Variants in SRSF10 observed in about 807,000 individuals in gnomAD.
SRSF10 encodes the protein serine and arginine rich splicing factor 10, also known as serine/arginine-rich splicing factor 10.
Under a neutral mutation model 32.6 loss-of-function variants are expected in SRSF10, and 9 were observed. That is an observed-to-expected ratio of 0.28 (90% CI 0.17 to 0.48). SRSF10 has a LOEUF of 0.48. Among genes scored for constraint, SRSF10 ranks in the 20% least tolerant of loss-of-function variants. The pLI is 0.99. For synonymous variants in SRSF10, 105 were observed against 112.4 expected, an observed-to-expected ratio of 0.93 and a Z score of 0.42; for missense variants, 201 against 331.8, an observed-to-expected ratio of 0.61 and a Z score of 3.06.
intron 1 of SRSF10, 64 bp from the exon 2 acceptor site, chr1:23,978,881 A>G (rs1169903186): frequency 1.4e-6 from 2 of 1,389,122 alleles, no homozygotes; most frequent in Non-Finnish European, 2.0e-6. Flanking sequence ...TAGGCAATAT[A>G]TCTTTTTGAT....
At position 23,968,375 on chromosome 1, in the gene SRSF10, T is replaced by C. The variant is rs1486001140; in HGVS notation, c.*2767A>G. On this transcript the variant is annotated 3_prime_UTR_variant, in exon 6 of 6. Coordinates refer to ENST00000492112, the MANE Select transcript of SRSF10 (RefSeq NM_054016.4). ...TCCTCAATCTACTTCTCTCAAATTATAGTCTGTAAAACAAACAAAACCCCC... is the reference window on the plus strand; with the variant it reads ...TCCTCAATCTACTTCTCTCAAATTACAGTCTGTAAAACAAACAAAACCCCC... Among the ~76,000 whole-genome samples, 1 of 152,156 alleles carries C rather than the reference T, an allele frequency of 6.6e-6. No homozygotes were observed. Among genetic ancestry groups the C allele is most frequent in the Non-Finnish European group, 1.5e-5 (1 of 67,998 alleles).
At position 23,975,141 on chromosome 1, in the gene SRSF10, G is replaced by A. The variant is rs1570783125; in HGVS notation, c.171-64C>T. The A allele has an allele frequency of 1.2e-5, 15 of 1,260,250 alleles. No individual in the cohort carries two copies. In the East Asian group the frequency reaches 3.5e-4, roughly 29 times the overall value. 78.1% of individuals were successfully genotyped at this position (1,260,250 alleles called of 1,614,324 possible). A position where few individuals can be genotyped will look rare whatever the true frequency, so the allele number is the denominator to read the frequency against. On this transcript the variant is annotated intron_variant, in intron 2 of 5. Coordinates refer to ENST00000492112, the MANE Select transcript of SRSF10 (RefSeq NM_054016.4). The stretch of plus-strand genomic sequence containing the variant: ...TTGATAATGAATGAAAGTTCAGTTG[G>A]TATGTCTGGAACAATTCACAATCTC...
In SRSF10 at chr1:23,980,297, A is replaced by C; in HGVS notation, c.-42T>G. On this transcript the variant is annotated 5_prime_UTR_variant, in exon 1 of 6. Coordinates refer to ENST00000492112, the MANE Select transcript of SRSF10 (RefSeq NM_054016.4). ...GGCCGGGCGCACTAACGGGCTCAGC[A>C]AACCGTCCGCGGCTCAGGCGGCCGA... is the stretch of plus-strand genomic sequence containing the variant. 1 of 1,416,438 alleles carries C rather than the reference A, an allele frequency of 7.1e-7. No individual in the cohort carries two copies. The highest frequency in any genetic ancestry group is 9.3e-7 in the Non-Finnish European group (1 of 1,077,184). 87.7% of individuals were successfully genotyped at this position (1,416,438 alleles called of 1,614,324 possible).
At chr1:23,977,928 T>A in intron 2 of SRSF10, 1 of 985,368 alleles carries the variant, frequency 1.0e-6, no homozygotes, top group East Asian at 1.1e-4. Context: ...ATGACTCCTT[T>A]AATCTTGGCC....
chr1:23,978,121 T>C, intron 2 of SRSF10: 1 of 985,476 alleles, frequency 1.0e-6, no homozygotes, highest in Non-Finnish European at 1.2e-6. Context: ...CAGCTTTTCT[T>C]TATTTTTTCT....
Position 23,967,632 on chromosome 1 carries a change from G to C in SRSF10, c.*3510C>G, listed in dbSNP as rs1641515949. 7.3e-7 allele frequency: 1 copy of C among 1,369,208 alleles called. No homozygotes were observed. Among genetic ancestry groups the C allele is most frequent in the Non-Finnish European group, 1.0e-6 (1 of 958,268 alleles). 84.8% of individuals were successfully genotyped at this position (1,369,208 alleles called of 1,614,324 possible). A position where few individuals can be genotyped will look rare whatever the true frequency, so the allele number is the denominator to read the frequency against. On this transcript the variant is annotated 3_prime_UTR_variant, in exon 6 of 6. Coordinates refer to ENST00000492112, the MANE Select transcript of SRSF10 (RefSeq NM_054016.4). ...CCTTCCACCCACCCTTTGGTCGCTT[G>C]AACTGCCCTTCTTTGGTTCTTTTTC...
Position 23,968,007 on chromosome 1 carries a change from G to A in SRSF10, c.*3135C>T. On this transcript the variant is annotated 3_prime_UTR_variant, in exon 6 of 6. Transcript: ENST00000492112. ...AGAGATCTTAAGTAAAAGGAGAGGT[G>A]AAGTGTGTCAGCCCTCATTTGAGTG... is the stretch of plus-strand genomic sequence containing the variant. 3 of 1,536,464 alleles carry A rather than the reference G, an allele frequency of 2.0e-6. No homozygotes were observed. Among genetic ancestry groups the A allele is most frequent in the Non-Finnish European group, 1.7e-6 (2 of 1,145,790 alleles).
In SRSF10 at chr1:23,978,477, A is replaced by T. The variant is rs373365069; in HGVS notation, c.170+236T>A. 4.6e-5 allele frequency among the ~76,000 whole-genome samples: 7 copies of T among 152,346 alleles called. No homozygotes were observed. In the East Asian group the frequency reaches 1.2e-3, roughly 25 times the overall value. The stretch of plus-strand genomic sequence containing the variant: ...CAGAGTGCATTCAAATTTAAATCAC[A>T]TATATAATCATCGATATGAGTTTCA... On this transcript the variant is annotated intron_variant, in intron 2 of 5. Coordinates refer to ENST00000492112, the MANE Select transcript of SRSF10 (RefSeq NM_054016.4).
rs1426540346 is a variant in SRSF10 at position 23,966,250 on chromosome 1, T to G, written c.*4892A>C. On this transcript the variant is annotated 3_prime_UTR_variant, in exon 6 of 6. Coordinates refer to ENST00000492112, the MANE Select transcript of SRSF10 (RefSeq NM_054016.4). ...TAATACCTCCATTTCACACCTCCCT[T>G]GAAAATATACCTCTGCTATATTTTC... The G allele has an allele frequency of 2.6e-5, 4 of 152,016 alleles. No individual in the cohort carries two copies. The highest frequency in any genetic ancestry group is 7.2e-5 in the African/African-American group (3 of 41,546). The allele number at this position is 152,016 out of a possible 1,614,324, so 9.4% of individuals were successfully genotyped here.
chr1:23,969,557 A>G lies in SRSF10; in HGVS notation c.*1585T>C. ...GCCTAGATTACTAAAACCGAAATTG[A>G]AAAAAGTAATCCTCTAAAAGGAATC... is the stretch of plus-strand genomic sequence containing the variant. On this transcript the variant is annotated 3_prime_UTR_variant, in exon 6 of 6. Transcript: ENST00000492112. 2 of 985,270 alleles carry G rather than the reference A, an allele frequency of 2.0e-6. No individual in the cohort carries two copies. The highest frequency in any genetic ancestry group is 2.4e-6 in the Non-Finnish European group (2 of 829,754). 61.0% of individuals were successfully genotyped at this position (985,270 alleles called of 1,614,324 possible).
Position 23,980,300 on chromosome 1 carries a change from C to T in SRSF10, c.-45G>A, listed in dbSNP as rs1190791180. The stretch of plus-strand genomic sequence containing the variant: ...CGGGCGCACTAACGGGCTCAGCAAA[C>T]CGTCCGCGGCTCAGGCGGCCGAGCC... On this transcript the variant is annotated 5_prime_UTR_variant, in exon 1 of 6. Coordinates refer to ENST00000492112, the MANE Select transcript of SRSF10 (RefSeq NM_054016.4). The T allele has an allele frequency of 7.1e-7, 1 of 1,402,244 alleles. No homozygotes were observed. Among genetic ancestry groups the T allele is most frequent in the Non-Finnish European group, 9.3e-7 (1 of 1,070,104 alleles). The allele number at this position is 1,402,244 out of a possible 1,614,324, so 86.9% of individuals were successfully genotyped here.
intron 3 of SRSF10, among the ~76,000 whole-genome samples, chr1:23,974,345 T>C (rs1221216093): frequency 6.6e-6 from 1 of 152,168 alleles, no homozygotes; most frequent in Non-Finnish European, 1.5e-5. Context: ...TCTTTTTGAC[T>C]CTAAAACCTG....
At chr1:23,975,851 T>C (rs1642053658) in intron 2 of SRSF10, 1 of 152,206 alleles carries the variant, frequency 6.6e-6, no homozygotes, top group African/African-American at 2.4e-5. Flanking sequence ...AAGAAATGGG[T>C]TTGAGACTGG....
At chr1:23,976,977 C>G (rs567427062) in intron 2 of SRSF10, 2 of 152,196 alleles carry the variant, frequency 1.3e-5, no homozygotes, top group African/African-American at 4.8e-5. Context: ...ACTCTTGAAT[C>G]AAACTACTAC....
intron 2 of SRSF10, 71 bp from the exon 3 acceptor site, chr1:23,975,148 TG>T (rs1313331174): frequency 8.4e-7 from 1 of 1,188,862 alleles, no homozygotes; most frequent in African/African-American, 1.5e-5. Flanking sequence ...TTGGTATGTC[TG>T]GAACAATTCA....
In SRSF10 at chr1:23,969,818, T is replaced by A; in HGVS notation, c.*1324A>T. On this transcript the variant is annotated 3_prime_UTR_variant, in exon 6 of 6. Transcript: ENST00000492112. ...GTGACTCTTGCTTAAAACTGACTAA[T>A]CCTTTTCCCCAAATTACCTTAAATT... 2.0e-6 allele frequency: 2 copies of A among 985,432 alleles called. No individual in the cohort carries two copies. Among genetic ancestry groups the A allele is most frequent in the Non-Finnish European group, 2.4e-6 (2 of 829,928 alleles). The allele number at this position is 985,432 out of a possible 1,614,324, so 61.0% of individuals were successfully genotyped here.
rs1419954133 is a variant in SRSF10, at chr1:23,975,317, T to C, written c.171-240A>G. ...ATGAATACATATTGCAGTAAAGTTA[T>C]TATTGAAATAAGATCTGTTATAGCT... is the stretch of plus-strand genomic sequence containing the variant. On this transcript the variant is annotated intron_variant, in intron 2 of 5. Transcript: ENST00000492112. 6.2e-5 allele frequency: 27 copies of C among 438,006 alleles called. No individual in the cohort carries two copies. In the Admixed American group the frequency reaches 8.0e-4, roughly 13 times the overall value. The allele number at this position is 438,006 out of a possible 1,614,324, so 27.1% of individuals were successfully genotyped here.
At position 23,970,960 on chromosome 1, in the gene SRSF10, C is replaced by G. The variant is rs1641720740; in HGVS notation, c.*182G>C. 7.4e-7 allele frequency: 1 copy of G among 1,343,648 alleles called. No homozygotes were observed. Among genetic ancestry groups the G allele is most frequent in the African/African-American group, 1.5e-5 (1 of 66,888 alleles). 83.2% of individuals were successfully genotyped at this position (1,343,648 alleles called of 1,614,324 possible). ...GTAGCTGCCCATAACATTAAACAAACTGGACTCTTAAGAGTGGCTTCTCAA... is the reference window on the plus strand; with the variant it reads ...GTAGCTGCCCATAACATTAAACAAAGTGGACTCTTAAGAGTGGCTTCTCAA... On this transcript the variant is annotated 3_prime_UTR_variant, in exon 6 of 6. Transcript: ENST00000492112.
chr1:23,978,384 C>A, intron 2 of SRSF10: 1 of 860,290 alleles, frequency 1.2e-6, no homozygotes, highest in Non-Finnish European at 1.4e-6. Flanking sequence ...ACAAGAATAC[C>A]AAATTTTAAT....
Sources: allele counts gnomAD v4.1 joint callset (sites outside exome capture counted in the v4.1 genomes callset), GRCh38; gene constraint gnomAD v4.1.1; transcripts MANE v1.5; gene names NCBI Gene and HGNC (gene_info 2026-07-23, HGNC 2026-07-21).